Variants in NTM observed in about 807,000 individuals in gnomAD.
NTM encodes the protein neurotrimin.
In NTM, 13 loss-of-function variants were observed where a neutral mutation model predicts 42.1. The observed-to-expected ratio is 0.31, with a 90% confidence interval of 0.20 to 0.49. The LOEUF is 0.49. Ranked by LOEUF, NTM falls within the 20% of genes least tolerant of loss-of-function variation. The pLI, the probability that NTM is intolerant of heterozygous loss-of-function variation, is 0.99. For synonymous variants in NTM, 187 were observed against 179.2 expected, an observed-to-expected ratio of 1.04 and a Z score of -0.35; for missense variants, 373 against 452.8, an observed-to-expected ratio of 0.82 and a Z score of 1.60.
intron 1 of NTM, among the ~76,000 whole-genome samples, chr11:131,480,489 C>T (rs556642146): frequency 2.6e-4 from 39 of 152,250 alleles, no homozygotes; most frequent in African/African-American, 6.3e-4. Context: ...TCTCCCATGA[C>T]GAAACTCACG....
chr11:132,209,856 C>A (rs2082562335), intron 3 of NTM, among the ~76,000 whole-genome samples: 1 of 152,200 alleles, frequency 6.6e-6, no homozygotes, highest in African/African-American at 2.4e-5. Flanking sequence ...CAGATAAGTA[C>A]AGCACACGCT....
intron 7 of NTM, among the ~76,000 whole-genome samples, chr11:132,315,796 T>A (rs2095413081): frequency 6.6e-6 from 1 of 152,114 alleles, no homozygotes; most frequent in Non-Finnish European, 1.5e-5. Context: ...CCCAGCTTTA[T>A]CTGAGAGAGC....
chr11:131,892,765 C>G (rs1047766769), intron 1 of NTM, among the ~76,000 whole-genome samples: 4 of 152,244 alleles, frequency 2.6e-5, no homozygotes, highest in Admixed American at 2.0e-4. Context: ...CTTGCCCAGG[C>G]CAGCCCGGCA....
intron 1 of NTM, among the ~76,000 whole-genome samples, chr11:131,600,904 C>G (rs1375318414): frequency 3.3e-5 from 5 of 152,050 alleles, no homozygotes; most frequent in Admixed American, 2.0e-4. Context: ...GAAACAGTTC[C>G]TATTTCTGAA....
At chr11:132,202,564 T>C (rs1438500395) in intron 3 of NTM, among the ~76,000 whole-genome samples, 2 of 152,178 alleles carry the variant, frequency 1.3e-5, no homozygotes, top group African/African-American at 4.8e-5. Context: ...AAAAAATTGA[T>C]GAAGAGACAC....
At chr11:131,733,351 G>A (rs1301944790) in intron 1 of NTM, among the ~76,000 whole-genome samples, 1 of 152,052 alleles carries the variant, frequency 6.6e-6, no homozygotes, top group South Asian at 2.1e-4. Flanking sequence ...TTTCACTAAC[G>A]AGGACTTTTC....
At chr11:132,247,167 C>A (rs1445496577) in intron 4 of NTM, among the ~76,000 whole-genome samples, 2 of 152,222 alleles carry the variant, frequency 1.3e-5, no homozygotes, top group South Asian at 2.1e-4. Context: ...TCAGGCTCAT[C>A]ATTGATCGCC....
chr11:131,679,988 C>G (rs1043309430), intron 1 of NTM, among the ~76,000 whole-genome samples: 3 of 152,126 alleles, frequency 2.0e-5, no homozygotes, highest in African/African-American at 7.2e-5. Flanking sequence ...GAGTGAAGCG[C>G]CTTGAGAAAG....
At chr11:132,151,772 AAT>A (rs1260173086) in intron 3 of NTM, among the ~76,000 whole-genome samples, 1 of 152,164 alleles carries the variant, frequency 6.6e-6, no homozygotes, top group African/African-American at 2.4e-5. Context: ...ATGTCTATGG[AAT>A]AGGGCAGGAA....
chr11:131,501,275 G>C (rs1172252206), intron 1 of NTM, among the ~76,000 whole-genome samples: 1 of 152,166 alleles, frequency 6.6e-6, no homozygotes, highest in South Asian at 2.1e-4. Flanking sequence ...AGGCAGGAGG[G>C]GCAGCCTGGG....
intron 2 of NTM, among the ~76,000 whole-genome samples, chr11:132,032,324 G>A (rs2076034842): frequency 6.6e-6 from 1 of 152,158 alleles, no homozygotes. Context: ...TGTTGGTTCT[G>A]TCCTTGACTT....
chr11:131,381,669 T>C (rs1214431196), intron 1 of NTM, among the ~76,000 whole-genome samples: 2 of 152,176 alleles, frequency 1.3e-5, no homozygotes, highest in Non-Finnish European at 1.5e-5. Context: ...ACTTGCCCTG[T>C]CTCCTCCCCA....
rs563043907 is a variant in NTM at position 132,281,927 on chromosome 11, A to C, written c.527-25762A>C. Among the ~76,000 whole-genome samples, 77 of 152,314 alleles carry C rather than the reference A, an allele frequency of 5.1e-4. No individual in the cohort carries two copies. The South Asian group carries it at 0.013, about 26-fold the overall frequency. On this transcript the variant is annotated intron_variant, in intron 4 of 8. Transcript: ENST00000683400. ...ACATAGATAAAATTTATTTTTATTA[A>C]TTTCTGCTTCCAAACTTTCAACCTG... is the stretch of plus-strand genomic sequence containing the variant.
intron 7 of NTM, among the ~76,000 whole-genome samples, chr11:132,318,676 T>C (rs904153834): frequency 1.8e-4 from 28 of 152,308 alleles, no homozygotes; most frequent in Non-Finnish European, 3.8e-4. Flanking sequence ...CTGAGGACAG[T>C]GCTGACCACA....
At chr11:132,138,091 A>G (rs187376921) in intron 2 of NTM, among the ~76,000 whole-genome samples, 80 of 152,182 alleles carry the variant, frequency 5.3e-4, no homozygotes, top group Middle Eastern at 3.4e-3. Flanking sequence ...CTGTTTACCA[A>G]GCTCTTTCCA....
intron 1 of NTM, among the ~76,000 whole-genome samples, chr11:131,846,037 G>T (rs2044861185): frequency 6.6e-6 from 1 of 151,980 alleles, no homozygotes; most frequent in South Asian, 2.1e-4. Context: ...GTCTAATTAT[G>T]GTTGTTAAGT....
At chr11:131,447,306 G>C (rs1392655022) in intron 1 of NTM, among the ~76,000 whole-genome samples, 1 of 152,166 alleles carries the variant, frequency 6.6e-6, no homozygotes, top group East Asian at 1.9e-4. Flanking sequence ...CGCTGCTTCT[G>C]TTTATCATTT....
chr11:131,834,887 C>T (rs1298853347), intron 1 of NTM, among the ~76,000 whole-genome samples: 2 of 151,992 alleles, frequency 1.3e-5, no homozygotes, highest in Non-Finnish European at 2.9e-5. Context: ...CTAACAAGTA[C>T]AGTGGAGTTG....
At chr11:131,434,904 A>G (rs536223293) in intron 1 of NTM, among the ~76,000 whole-genome samples, 2 of 152,288 alleles carry the variant, frequency 1.3e-5, no homozygotes, top group South Asian at 4.1e-4. Context: ...GATTTCTTCT[A>G]GAGTTTTTAT....
Sources: gnomAD v4.1 joint callset for allele counts (sites outside exome capture counted in the v4.1 genomes callset) on GRCh38, gnomAD v4.1.1 for gene constraint, MANE v1.5 for transcripts, NCBI Gene and HGNC (gene_info 2026-07-23, HGNC 2026-07-21) for gene names.